The following AGTPBP1 variants were observed in gnomAD, a reference collection of about 807,000 sequenced individuals.
The protein encoded by AGTPBP1 is ATP/GTP binding carboxypeptidase 1, also known as cytosolic carboxypeptidase 1.
In AGTPBP1, 70 loss-of-function variants were observed where a neutral mutation model predicts 143.9. That is an observed-to-expected ratio of 0.49 (90% CI 0.40 to 0.59). The LOEUF is 0.59. AGTPBP1 is among the 20% of genes least tolerant of loss of function. The probability of loss-of-function intolerance (pLI) is 0.00; values close to 1 mark genes in which losing one functional copy is unlikely to be tolerated. For missense variants in AGTPBP1, 1,229 were observed against 1,464.5 expected, an observed-to-expected ratio of 0.84 and a Z score of 2.62; for synonymous variants, 463 against 500.2, an observed-to-expected ratio of 0.93 and a Z score of 0.99.
At chr9:85,786,346 GAAACAGAT>G in the AGTPBP1 span, 1 of 1,613,714 alleles carries the variant, frequency 6.2e-7, no homozygotes, top group Non-Finnish European at 8.5e-7. Context: ...GAATAAAACA[GAAACAGAT>G]GATAATCAGT....
the AGTPBP1 span, among the ~76,000 whole-genome samples, chr9:85,760,571 C>A: frequency 6.6e-6 from 1 of 152,266 alleles, no homozygotes; most frequent in Non-Finnish European, 1.5e-5. Context: ...ATTCAACAGC[C>A]CTTCATGCTA....
At chr9:85,589,848 T>C (rs1386182056) in intron 19 of AGTPBP1, among the ~76,000 whole-genome samples, 167 bp from the exon 20 acceptor site, 2 of 152,100 alleles carry the variant, frequency 1.3e-5, no homozygotes, top group East Asian at 1.9e-4. Context: ...TTTGGGAAAC[T>C]TGAAACAGGC....
chr9:85,621,970 G>C (rs2133564390), intron 14 of AGTPBP1, among the ~76,000 whole-genome samples: 1 of 152,242 alleles, frequency 6.6e-6, no homozygotes, highest in East Asian at 1.9e-4. Flanking sequence ...CAATATTTAA[G>C]CTAAGGAAGA....
intron 25 of AGTPBP1, among the ~76,000 whole-genome samples, chr9:85,552,830 CTGTTT>C (rs1350764087): frequency 1.3e-5 from 2 of 152,144 alleles, no homozygotes; most frequent in Non-Finnish European, 2.9e-5. Context: ...AATAACCTAC[CTGTTT>C]TAAGACAGCA....
intron 25 of AGTPBP1, among the ~76,000 whole-genome samples, chr9:85,572,004 G>GTGTT (rs1827509214): frequency 1.6e-4 from 7 of 43,428 alleles, no homozygotes; most frequent in Admixed American, 3.3e-4. Flanking sequence ...GTTTGTGTGT[G>GTGTT]TTTTTTTTTT....
chr9:85,636,630 G>A (rs1034725417), intron 13 of AGTPBP1, among the ~76,000 whole-genome samples: 1 of 151,932 alleles, frequency 6.6e-6, no homozygotes, highest in Non-Finnish European at 1.5e-5. Context: ...TAGTTCTAAT[G>A]AAATAATCTG....
intron 13 of AGTPBP1, among the ~76,000 whole-genome samples, chr9:85,637,896 T>C (rs1419644399): frequency 3.3e-5 from 5 of 152,202 alleles, no homozygotes; most frequent in African/African-American, 7.2e-5. Flanking sequence ...CAAGACAGCA[T>C]GTGCACAAGT....
At chr9:85,766,268 C>T in the AGTPBP1 span, among the ~76,000 whole-genome samples, 91 of 152,176 alleles carry the variant, frequency 6.0e-4, no homozygotes, top group Admixed American at 5.4e-3. Context: ...ACAGCTATAC[C>T]TCTTACATTA....
At position 85,688,924 on chromosome 9, in the gene AGTPBP1, C is replaced by T. The variant is rs1016171371; in HGVS notation, c.157+3765G>A. ...CTACTGCTAACAATTTGATATGTAT[C>T]CTTCCTTTTATTTTTTGGCCTGGCT... On this transcript the variant is annotated intron_variant, in intron 3 of 25. Coordinates refer to ENST00000357081, the MANE Select transcript of AGTPBP1 (RefSeq NM_001330701.2). Among the ~76,000 whole-genome samples, 2 of 152,110 alleles carry T rather than the reference C, an allele frequency of 1.3e-5. 1 individual carries two copies. The highest frequency in any genetic ancestry group is 2.9e-5 in the Non-Finnish European group (2 of 68,020).
chr9:85,764,992 T>G, the AGTPBP1 span: 2 of 702,698 alleles, frequency 2.8e-6, no homozygotes, highest in Non-Finnish European at 5.2e-6. Context: ...TCCTCAGTCT[T>G]TTTCACATAA....
At chr9:85,798,666 CT>C in the AGTPBP1 span, among the ~76,000 whole-genome samples, 1 of 151,982 alleles carries the variant, frequency 6.6e-6, no homozygotes, top group African/African-American at 2.4e-5. Flanking sequence ...CTCTAAAGCT[CT>C]TTTTTTTCTT....
At position 85,633,040 on chromosome 9, in the gene AGTPBP1, G is replaced by A; in HGVS notation, c.1637C>T (p.Thr546Ile). The change falls in exon 14 of 26, where the codon ACA (threonine) becomes ATA (isoleucine). Residue 546 changes from threonine (T) to isoleucine (I), a missense_variant. By Grantham distance (89) the Thr-to-Ile change is moderately conservative. Around this residue, in one of 2 missense-constraint regions of AGTPBP1, gnomAD observed 743 missense variants for 812.2 expected, o/e 0.91. Transcript: ENST00000357081. ...RITLQNIPSQ[T>I]APGFTAEMKK... ...CATTTCTGCAGTAAAACCTGGGGCTGTTTGAGAAGGAATATTCTGCAATGT... is the reference window on the plus strand; with the variant it reads ...CATTTCTGCAGTAAAACCTGGGGCTATTTGAGAAGGAATATTCTGCAATGT... 6.2e-7 allele frequency: 1 copy of A among 1,614,136 alleles called. No individual in the cohort carries two copies. Among genetic ancestry groups the A allele is most frequent in the Non-Finnish European group, 8.5e-7 (1 of 1,180,014 alleles).
chr9:85,777,272 C>T, the AGTPBP1 span, among the ~76,000 whole-genome samples: 4 of 152,288 alleles, frequency 2.6e-5, no homozygotes, highest in African/African-American at 4.8e-5. Flanking sequence ...AACCCACATC[C>T]GGAGTAAGTG....
chr9:85,741,785 T>C lies in AGTPBP1; in HGVS notation c.-44A>G. 3 of 1,351,522 alleles carry C rather than the reference T, an allele frequency of 2.2e-6. No homozygotes were observed. Among genetic ancestry groups the C allele is most frequent in the African/African-American group, 1.5e-5 (1 of 65,714 alleles). 83.7% of individuals were successfully genotyped at this position (1,351,522 alleles called of 1,614,324 possible). On this transcript the variant is annotated 5_prime_UTR_variant, in exon 1 of 26. Transcript: ENST00000357081. ...CAGCAGGGCGCTCACCGGCTCAGGATGGGGCGCTGGCGGGGACCGCGCAGA... is the reference window on the plus strand; with the variant it reads ...CAGCAGGGCGCTCACCGGCTCAGGACGGGGCGCTGGCGGGGACCGCGCAGA...
chr9:85,607,331 C>G (rs1830050751), intron 17 of AGTPBP1, among the ~76,000 whole-genome samples: 4 of 152,112 alleles, frequency 2.6e-5, no homozygotes. Flanking sequence ...ATTCTCATAT[C>G]ACATTTAAAA....
intron 11 of AGTPBP1, among the ~76,000 whole-genome samples, chr9:85,646,772 A>G (rs955712342): frequency 2.6e-5 from 4 of 152,194 alleles, no homozygotes; most frequent in African/African-American, 9.6e-5. Flanking sequence ...ATTTGTTTCA[A>G]TGACAGTCAT....
At chr9:85,712,696 A>C (rs1170992640) in intron 1 of AGTPBP1, 130 bp from the exon 2 acceptor site, 2 of 414,924 alleles carry the variant, frequency 4.8e-6, no homozygotes, top group African/African-American at 2.1e-5. Flanking sequence ...CAAAAAGAGA[A>C]CATTTGAGTT....
intron 19 of AGTPBP1, among the ~76,000 whole-genome samples, chr9:85,591,091 T>C (rs1374577596): frequency 6.6e-6 from 1 of 151,842 alleles, no homozygotes; most frequent in Non-Finnish European, 1.5e-5. Flanking sequence ...TGGATATTAA[T>C]TGAGGATGAG....
chr9:85,712,509 C>A lies in AGTPBP1; in HGVS notation c.25G>T (p.Glu9Ter). 6.7e-7 allele frequency: 1 copy of A among 1,494,406 alleles called. No individual in the cohort carries two copies. Among genetic ancestry groups the A allele is most frequent in the Admixed American group, 2.0e-5 (1 of 48,782 alleles). The allele number at this position is 1,494,406 out of a possible 1,614,324, so 92.6% of individuals were successfully genotyped here. The change falls in exon 2 of 26, where the codon GAA (glutamate) becomes TAA (stop). Residue 9 changes from glutamate to a stop codon, truncating the protein, a stop_gained. Coordinates refer to ENST00000357081, the MANE Select transcript of AGTPBP1 (RefSeq NM_001330701.2). LOFTEE classifies it high-confidence loss of function. MSKLKVIP[E>*]KSLTNNSRIV... is the part of the protein sequence containing the mutation. ...TATTCAGAATTACAGTACCTTTTTT[C>A]TGGTATCACTTTTAACTTGCTCATC...
Sources: allele counts gnomAD v4.1 joint callset (sites outside exome capture counted in the v4.1 genomes callset), GRCh38; gene constraint gnomAD v4.1.1; regional missense constraint gnomAD v4.1.1; transcripts MANE v1.5; gene names NCBI Gene and HGNC (gene_info 2026-07-23, HGNC 2026-07-21).